The following FYB2 variants were observed in gnomAD, a reference collection of about 807,000 sequenced individuals.
FYB2 encodes FYN binding protein 2.
Under a neutral mutation model 94.1 loss-of-function variants are expected in FYB2, and 103 were observed. That is an observed-to-expected ratio of 1.09 (90% CI 0.93 to 1.29). The LOEUF is 1.29. Ranked by LOEUF, FYB2 falls within the 50% of genes most tolerant of loss-of-function variation. The pLI, the probability that FYB2 is intolerant of heterozygous loss-of-function variation, is 0.00. For synonymous variants in FYB2, 293 were observed against 287.9 expected (o/e 1.02, Z -0.18); for missense variants, 896 against 841.5 (o/e 1.06, Z -0.80).
chr1:56,722,795 A>ACTT (rs1644510571), intron 17 of FYB2, among the ~76,000 whole-genome samples: 1 of 152,096 alleles, frequency 6.6e-6, no homozygotes, highest in African/African-American at 2.4e-5. Context: ...AGAAGCCTAA[A>ACTT]CTTTAACCAT....
At chr1:56,758,792 AC>A in intron 5 of FYB2, 42 bp from the exon 6 acceptor site, 1 of 1,480,778 alleles carries the variant, frequency 6.8e-7, no homozygotes, top group Admixed American at 1.9e-5. Flanking sequence ...CAGCTGATCC[AC>A]CCATTTCTTA....
chr1:56,760,609 C>T (rs1054571133), intron 5 of FYB2, among the ~76,000 whole-genome samples: 3 of 152,112 alleles, frequency 2.0e-5, no homozygotes, highest in African/African-American at 7.2e-5. Context: ...CTCCTTTCTA[C>T]TCCAATTTAT....
chr1:56,797,451 T>G (rs879870082), intron 1 of FYB2, among the ~76,000 whole-genome samples: 7 of 152,136 alleles, frequency 4.6e-5, no homozygotes, highest in Admixed American at 1.3e-4. Context: ...CACTGGCTCA[T>G]CCAACCCTTT....
chr1:56,755,777 G>A (rs1645314030), intron 7 of FYB2, 119 bp downstream of exon 7: 1 of 977,652 alleles, frequency 1.0e-6, no homozygotes, highest in South Asian at 1.5e-5. Flanking sequence ...AAGGTGCCGG[G>A]GAAACTGAAC....
chr1:56,820,930 T>C (rs1464861768), upstream of FYB2, among the ~76,000 whole-genome samples: 1 of 152,224 alleles, frequency 6.6e-6, no homozygotes, highest in Non-Finnish European at 1.5e-5. Flanking sequence ...GACATGCCAT[T>C]GAATTAAATA....
intron 5 of FYB2, among the ~76,000 whole-genome samples, chr1:56,759,600 T>C (rs933999436): frequency 1.3e-5 from 2 of 152,184 alleles, no homozygotes; most frequent in African/African-American, 4.8e-5. Context: ...TGAAACATTG[T>C]GTAGCACATG....
intron 5 of FYB2, 45 bp downstream of exon 5, chr1:56,767,784 T>G (rs773542302): frequency 7.1e-7 from 1 of 1,400,160 alleles, no homozygotes; most frequent in African/African-American, 1.5e-5. Flanking sequence ...TGACACATTT[T>G]CATTCCACAC....
In FYB2 at chr1:56,719,657, T is replaced by G; in HGVS notation, c.*14A>C. The G allele has an allele frequency of 6.3e-7, 1 of 1,597,634 alleles. No individual in the cohort carries two copies. The highest frequency in any genetic ancestry group is 8.6e-7 in the Non-Finnish European group (1 of 1,167,410). The stretch of plus-strand genomic sequence containing the variant: ...TCTCCTTTGTGCAGTCCATAGCATT[T>G]GATCTTGATTTTTCTAAGGTGACCA... On this transcript the variant is annotated 3_prime_UTR_variant, in exon 20 of 20. Coordinates refer to ENST00000343433, the MANE Select transcript of FYB2 (RefSeq NM_001004303.5).
rs556662652 is a variant in FYB2 at position 56,781,858 on chromosome 1, C to T, written c.953+5317G>A. Among the ~76,000 whole-genome samples, 50 of 152,228 alleles carry T rather than the reference C, an allele frequency of 3.3e-4. 2 individuals are homozygous for T. The South Asian group carries it at 4.2e-3, about 13-fold the overall frequency. On this transcript the variant is annotated intron_variant, in intron 4 of 19. Coordinates refer to ENST00000343433, the MANE Select transcript of FYB2 (RefSeq NM_001004303.5). ...CCTTTCTCCTTTAAAATGTCCTAAG[C>T]GTGGTTCTCCCTTTAGTCTTTGTGC...
At chr1:56,773,397 A>G (rs1364633230) in intron 4 of FYB2, among the ~76,000 whole-genome samples, 10 of 152,204 alleles carry the variant, frequency 6.6e-5, no homozygotes, top group African/African-American at 2.4e-4. Flanking sequence ...TAATCACATT[A>G]ATAGCTACCA....
At chr1:56,801,963 C>T (rs1020374280) in intron 1 of FYB2, among the ~76,000 whole-genome samples, 13 of 152,164 alleles carry the variant, frequency 8.5e-5, no homozygotes, top group African/African-American at 3.1e-4. Flanking sequence ...ATCTACTTTG[C>T]AGTTTTTAGG....
At chr1:56,806,308 G>A (rs1057100364) in intron 1 of FYB2, among the ~76,000 whole-genome samples, 1 of 152,182 alleles carries the variant, frequency 6.6e-6, no homozygotes, top group Non-Finnish European at 1.5e-5. Flanking sequence ...ATAGGAACTT[G>A]GCTGTCAAAA....
At chr1:56,782,347 T>C (rs371536547) in intron 4 of FYB2, among the ~76,000 whole-genome samples, 1 of 152,174 alleles carries the variant, frequency 6.6e-6, no homozygotes, top group Non-Finnish European at 1.5e-5. Context: ...CTTATTACGA[T>C]GAAAATAAGT....
At chr1:56,776,123 C>G (rs1268267400) in intron 4 of FYB2, among the ~76,000 whole-genome samples, 4 of 152,098 alleles carry the variant, frequency 2.6e-5, no homozygotes, top group Admixed American at 2.6e-4. Context: ...CACTACAAGT[C>G]ACTCTAGAAC....
chr1:56,749,297 C>A (rs548470255), intron 9 of FYB2, among the ~76,000 whole-genome samples: 2 of 151,726 alleles, frequency 1.3e-5, no homozygotes, highest in Middle Eastern at 3.4e-3. Flanking sequence ...TTCCAGTATC[C>A]TTTTATGGAA....
chr1:56,814,229 A>G (rs566231756), intron 1 of FYB2, among the ~76,000 whole-genome samples: 47 of 152,346 alleles, frequency 3.1e-4, no homozygotes, highest in Middle Eastern at 3.4e-3. Flanking sequence ...GAGTTAGAGT[A>G]TACAGGGCAG....
intron 1 of FYB2, among the ~76,000 whole-genome samples, chr1:56,816,858 ATTTTCTT>A (rs953715746): frequency 1.1e-4 from 16 of 141,140 alleles, no homozygotes; most frequent in African/African-American, 4.2e-4. Context: ...GTCATCAACA[ATTTTCTT>A]TTTTTTTTTT....
intron 3 of FYB2, 84 bp from the exon 4 acceptor site, chr1:56,787,292 C>A: frequency 6.6e-7 from 1 of 1,513,116 alleles, no homozygotes; most frequent in Non-Finnish European, 9.2e-7. Flanking sequence ...TGACTTGATC[C>A]CACAGATAAT....
intron 1 of FYB2, among the ~76,000 whole-genome samples, chr1:56,813,851 C>A (rs1296224191): frequency 3.9e-5 from 6 of 152,128 alleles, no homozygotes; most frequent in Non-Finnish European, 8.8e-5. Context: ...GGGACACAGA[C>A]AAATTAATTA....
Sources: gnomAD v4.1 joint callset for allele counts (sites outside exome capture counted in the v4.1 genomes callset) on GRCh38, gnomAD v4.1.1 for gene constraint, MANE v1.5 for transcripts, NCBI Gene and HGNC (gene_info 2026-07-23, HGNC 2026-07-21) for gene names.